HECTD4: variants seen among roughly 807,000 people sequenced by gnomAD.
HECTD4 encodes the protein HECT domain E3 ubiquitin protein ligase 4.
A neutral mutation model predicts 471.5 loss-of-function variants in HECTD4; 114 were observed. The ratio of observed to expected loss-of-function variants is 0.24; its 90% confidence interval spans 0.21 to 0.28. HECTD4 has a LOEUF of 0.28. Among genes scored for constraint, HECTD4 ranks in the 10% least tolerant of loss-of-function variants. The pLI, the probability that HECTD4 is intolerant of heterozygous loss-of-function variation, is 1.00. For missense variants in HECTD4, 3,866 were observed against 5,651.5 expected (o/e 0.68, Z 10.13); for synonymous variants, 2,012 against 2,256.0 (o/e 0.89, Z 3.07).
chr12:112,324,027 TTCCTTC>T, intron 1 of HECTD4, among the ~76,000 whole-genome samples: 3 of 51,984 alleles, frequency 5.8e-5, no homozygotes, highest in Non-Finnish European at 9.0e-5. Context: ...CCTTCCTTCC[TTCCTTC>T]CTTCCTTCCT....
At chr12:112,366,880 CA>C (rs575561407) in intron 1 of HECTD4, among the ~76,000 whole-genome samples, 807 of 68,624 alleles carry the variant, frequency 0.012, 4 homozygotes, top group Middle Eastern at 0.038. Context: ...AACTCTGTCT[CA>C]AAAAAAAAAA....
chr12:112,226,937 T>C, intron 43 of HECTD4, 179 bp from the exon 44 acceptor site: 1 of 477,062 alleles, frequency 2.1e-6, no homozygotes, highest in East Asian at 3.1e-5. Context: ...AAATAACTTC[T>C]CTTTTGCCAC....
chr12:112,326,104 A>C (rs2035738411), intron 1 of HECTD4, among the ~76,000 whole-genome samples: 1 of 152,092 alleles, frequency 6.6e-6, no homozygotes, highest in Non-Finnish European at 1.5e-5. Flanking sequence ...AAGTGTTTTT[A>C]AACTAAGGAA....
intron 1 of HECTD4, among the ~76,000 whole-genome samples, chr12:112,379,988 G>A (rs2036859475): frequency 6.6e-6 from 1 of 151,084 alleles, no homozygotes; most frequent in Admixed American, 6.6e-5. Context: ...TTCTTCTGTG[G>A]AAATAGCTGA....
chr12:112,369,663 G>A (rs2036631825), intron 1 of HECTD4, among the ~76,000 whole-genome samples: 1 of 151,972 alleles, frequency 6.6e-6, no homozygotes, highest in African/African-American at 2.4e-5. Flanking sequence ...AAACCTATGA[G>A]TTCTAAAATG....
chr12:112,329,363 G>GT (rs1491421688), intron 1 of HECTD4, among the ~76,000 whole-genome samples: 17 of 134,616 alleles, frequency 1.3e-4, no homozygotes, highest in Non-Finnish European at 2.0e-4. Context: ...TTTGTTTTGG[G>GT]TTTTTTGTTT....
intron 10 of HECTD4, among the ~76,000 whole-genome samples, chr12:112,274,266 A>G (rs887821385): frequency 1.3e-5 from 2 of 152,268 alleles, no homozygotes; most frequent in African/African-American, 4.8e-5. Flanking sequence ...CACAGGAAAT[A>G]AACTTTTTGT....
At chr12:112,230,975 A>G (rs1261356068) in intron 39 of HECTD4, 153 bp from the exon 40 acceptor site, 20 of 662,488 alleles carry the variant, frequency 3.0e-5, no homozygotes, top group South Asian at 2.3e-4. Flanking sequence ...CTACATTATC[A>G]TTAGGAAGAA....
In HECTD4 at chr12:112,213,334, A is replaced by G. The variant is rs2032819175; in HGVS notation, c.7466-684T>C. The stretch of plus-strand genomic sequence containing the variant: ...GACACATGGAGGATTACTTATGACG[A>G]ATAAGTAAAAAGGTATTAGTAATAT... On this transcript the variant is annotated intron_variant, in intron 48 of 75. Transcript: ENST00000682272. This position sits in a 1 kb window ranked among gnomAD's most constrained non-coding sequence, Gnocchi z 4.0. 1.3e-5 allele frequency among the ~76,000 whole-genome samples: 2 copies of G among 152,138 alleles called. No individual in the cohort carries two copies. The highest frequency in any genetic ancestry group is 4.8e-5 in the African/African-American group (2 of 41,432).
intron 72 of HECTD4, among the ~76,000 whole-genome samples, chr12:112,165,749 G>A (rs2030926416): frequency 6.6e-6 from 1 of 152,226 alleles, no homozygotes; most frequent in Admixed American, 6.5e-5. Context: ...CCTGTCTGTG[G>A]AGGTGTACAG....
rs889691670 is a variant in HECTD4 at position 112,243,206 on chromosome 12, T to G, written c.4958+147A>C. Reference sequence around the variant, plus strand: ...ACGTTCTATTAATATGTTGAGTTTTTTGCAAGATCATGTACCACTTTTATA... The same window carrying G: ...ACGTTCTATTAATATGTTGAGTTTTGTGCAAGATCATGTACCACTTTTATA... On this transcript the variant is annotated intron_variant, in intron 32 of 75. Transcript: ENST00000682272. This position sits in a 1 kb window ranked among gnomAD's most constrained non-coding sequence, Gnocchi z 6.6. The G allele has an allele frequency of 1.1e-5, 8 of 725,300 alleles. No individual in the cohort carries two copies. The African/African-American group carries it at 1.2e-4, about 11-fold the overall frequency. 44.9% of individuals were successfully genotyped at this position (725,300 alleles called of 1,614,324 possible).
At chr12:112,218,208 A>G (rs1468065415) in intron 45 of HECTD4, among the ~76,000 whole-genome samples, 2 of 152,186 alleles carry the variant, frequency 1.3e-5, no homozygotes, top group African/African-American at 2.4e-5. Context: ...TTTGAAGTGT[A>G]TAAGTCAATG....
chr12:112,380,316 G>A (rs970626130), intron 1 of HECTD4, among the ~76,000 whole-genome samples: 2 of 151,912 alleles, frequency 1.3e-5, no homozygotes, highest in African/African-American at 4.8e-5. Context: ...ATGGTGGCGC[G>A]TGCCTGTAAT....
chr12:112,186,705 T>C (rs1166169379), intron 60 of HECTD4, among the ~76,000 whole-genome samples: 1 of 133,808 alleles, frequency 7.5e-6, no homozygotes, highest in East Asian at 2.4e-4. Context: ...CTGTCTCTTA[T>C]CACCCAGGCT....
In HECTD4 at chr12:112,183,074, C is replaced by T. The variant is rs1467647345; in HGVS notation, c.10972G>A (p.Asp3658Asn). ...CAGAACCCACCTTTAATTGACTTAT[C>T]ATTGAAATAATCTTCTAACCCTGGG... Reference protein sequence around the residue: ...GSPGLEDYFNDKSIKGEKLVP... With the variant: ...GSPGLEDYFNNKSIKGEKLVP... Residue 3658 changes from aspartate (D) to asparagine (N), a missense_variant, in exon 62 of 76, where the codon GAT (aspartate) becomes AAT (asparagine). Asp to Asn is a conservative substitution (Grantham distance 23). Transcript: ENST00000682272. The T allele has an allele frequency of 5.6e-6, 9 of 1,612,614 alleles. No homozygotes were observed. Among genetic ancestry groups the T allele is most frequent in the Non-Finnish European group, 7.6e-6 (9 of 1,178,856 alleles).
At chr12:112,246,310 T>C (rs966394689) in intron 29 of HECTD4, among the ~76,000 whole-genome samples, 2 of 152,096 alleles carry the variant, frequency 1.3e-5, no homozygotes, top group East Asian at 1.9e-4. Context: ...TAATTGTATA[T>C]GTTACTATGA....
Position 112,167,886 on chromosome 12 carries a change from C to T in HECTD4, c.12240G>A (p.Val4080=), listed in dbSNP as rs747139257. The change falls in exon 71 of 76, where the codon GTG becomes GTA. Residue 4080 remains valine (V), a synonymous_variant. Transcript: ENST00000682272. ...GCGAGGAACTCTGCAGCTCCTTACA[C>T]ACCTGCCACAGGAAGTGGCGGAAAG... The part of the protein sequence containing the change: ...SGSFRHFLWQ[V]CKELQSSSLS... The T allele has an allele frequency of 6.2e-7, 1 of 1,613,550 alleles. No individual in the cohort carries two copies. Among genetic ancestry groups the T allele is most frequent in the South Asian group, 1.1e-5 (1 of 91,088 alleles).
At position 112,185,075 on chromosome 12, in the gene HECTD4, G is replaced by T; in HGVS notation, c.9891C>A (p.Ser3297=). 6.3e-7 allele frequency: 1 copy of T among 1,582,304 alleles called. No individual in the cohort carries two copies. The highest frequency in any genetic ancestry group is 8.6e-7 in the Non-Finnish European group (1 of 1,163,888). Reference sequence around the variant, plus strand: ...GACTCTGTGGGGTCTGTCCTGGGGAGGACGAGGAGGAGGAGGACGAGTCAC... The same window carrying T: ...GACTCTGTGGGGTCTGTCCTGGGGATGACGAGGAGGAGGAGGACGAGTCAC... The part of the protein sequence containing the change: ...NLSDSSSSSS[S]SPGQTPQSPS... Residue 3297 remains serine (S), a synonymous_variant, in exon 61 of 76, where the codon TCC becomes TCA. Transcript: ENST00000682272.
intron 1 of HECTD4, among the ~76,000 whole-genome samples, chr12:112,339,722 A>G (rs2036021617): frequency 6.6e-6 from 1 of 152,234 alleles, no homozygotes. Flanking sequence ...TTACATCTAG[A>G]TAAACCTACC....
Sources: allele counts gnomAD v4.1 joint callset (sites outside exome capture counted in the v4.1 genomes callset), GRCh38; gene constraint gnomAD v4.1.1; non-coding constraint Gnocchi (gnomAD v3.1); transcripts MANE v1.5; gene names NCBI Gene and HGNC (gene_info 2026-07-23, HGNC 2026-07-21).